MACROD2: variants seen among roughly 807,000 people sequenced by gnomAD.
MACROD2 encodes the protein mono-ADP ribosylhydrolase 2.
Under a neutral mutation model 70.4 loss-of-function variants are expected in MACROD2, and 36 were observed. The observed-to-expected ratio is 0.51, with a 90% CI of 0.39 to 0.68. The LOEUF is 0.68. Ranked by LOEUF, MACROD2 falls within the 30% of genes least tolerant of loss-of-function variation. The pLI is 0.00. For synonymous variants in MACROD2, 172 were observed against 178.8 expected (o/e 0.96, Z 0.30); for missense variants, 496 against 538.4 (o/e 0.92, Z 0.78).
At chr20:14,116,931 G>T (rs1239065576) in intron 3 of MACROD2, among the ~76,000 whole-genome samples, 1 of 151,960 alleles carries the variant, frequency 6.6e-6, no homozygotes, top group Non-Finnish European at 1.5e-5. Context: ...GCCAGTTGTG[G>T]TGGCATGCAC....
chr20:14,456,900 G>T (rs1406279396), intron 3 of MACROD2, among the ~76,000 whole-genome samples: 1 of 151,712 alleles, frequency 6.6e-6, no homozygotes, highest in Non-Finnish European at 1.5e-5. Flanking sequence ...TGTATTTTTA[G>T]TAGAGACGGG....
intron 5 of MACROD2, among the ~76,000 whole-genome samples, chr20:15,119,388 A>G (rs1224767985): frequency 6.6e-6 from 1 of 152,144 alleles, no homozygotes; most frequent in Non-Finnish European, 1.5e-5. Flanking sequence ...GAGTGTGTAC[A>G]TCTACACCTA....
At chr20:14,871,055 G>T (rs1030558163) in intron 5 of MACROD2, among the ~76,000 whole-genome samples, 1 of 152,002 alleles carries the variant, frequency 6.6e-6, no homozygotes, top group East Asian at 1.9e-4. Flanking sequence ...TGGTATACTT[G>T]AAAGAGATAG....
chr20:14,955,867 G>A (rs998568443), intron 5 of MACROD2, among the ~76,000 whole-genome samples: 4 of 152,104 alleles, frequency 2.6e-5, no homozygotes, highest in Admixed American at 2.6e-4. Flanking sequence ...GGAATGTCAG[G>A]GAAGGAGAAG....
intron 2 of MACROD2, among the ~76,000 whole-genome samples, chr20:14,074,823 A>G (rs2053896368): frequency 6.6e-6 from 1 of 152,182 alleles, no homozygotes; most frequent in African/African-American, 2.4e-5. Flanking sequence ...GTCTGAAAAT[A>G]TTAGGTAGAA....
At chr20:14,083,423 C>CAA (rs35393551) in intron 2 of MACROD2, among the ~76,000 whole-genome samples, 215 of 137,688 alleles carry the variant, frequency 1.6e-3, no homozygotes, top group South Asian at 2.4e-3. Context: ...AACTCTGTCT[C>CAA]AAAAAAAAAA....
intron 5 of MACROD2, among the ~76,000 whole-genome samples, chr20:14,694,628 A>G (rs1215677569): frequency 2.0e-5 from 3 of 152,320 alleles, no homozygotes; most frequent in African/African-American, 7.2e-5. Context: ...GATGAGTTAC[A>G]TATAAATTAA....
chr20:14,000,692 T>C (rs1223105180), intron 1 of MACROD2, among the ~76,000 whole-genome samples: 3 of 152,190 alleles, frequency 2.0e-5, no homozygotes, highest in East Asian at 1.9e-4. Flanking sequence ...TTGGTAAATA[T>C]TTCTTCCTTG....
chr20:15,327,202 A>C (rs1482315313), intron 6 of MACROD2, among the ~76,000 whole-genome samples: 2 of 152,130 alleles, frequency 1.3e-5, no homozygotes, highest in Non-Finnish European at 2.9e-5. Context: ...AACTGGGAGA[A>C]ACTTAGAAAG....
intron 5 of MACROD2, among the ~76,000 whole-genome samples, chr20:15,018,652 G>A (rs900505964): frequency 3.9e-5 from 6 of 152,262 alleles, no homozygotes; most frequent in African/African-American, 1.4e-4. Flanking sequence ...TTTAGAATGT[G>A]TATATCCTAA....
chr20:15,258,192 A>T (rs1469631546), intron 6 of MACROD2, among the ~76,000 whole-genome samples: 1 of 152,130 alleles, frequency 6.6e-6, no homozygotes, highest in Non-Finnish European at 1.5e-5. Flanking sequence ...TTATAAATTT[A>T]AAAATTTATA....
intron 8 of MACROD2, among the ~76,000 whole-genome samples, chr20:15,817,406 G>C (rs2063888440): frequency 6.6e-6 from 1 of 152,026 alleles, no homozygotes; most frequent in Non-Finnish European, 1.5e-5. Context: ...CCCTGAATGT[G>C]CCCACCAAAA....
Position 15,616,125 on chromosome 20 carries a change from CAG to C in MACROD2, c.645+116281_645+116282del, listed in dbSNP as rs779521635. On this transcript the variant is annotated intron_variant, in intron 8 of 17. Coordinates refer to ENST00000684519, the MANE Select transcript of MACROD2 (RefSeq NM_001351661.2). The stretch of plus-strand genomic sequence containing the variant: ...TTTTTTTTTTTTTTTTTTTTTGAGA[CAG>C]AGTCTCACTCTGTCACCCGGGCCTG... Among the ~76,000 whole-genome samples the C allele has an allele frequency of 7.5e-4, 87 of 115,458 alleles. 1 individual carries two copies. The South Asian group carries it at 0.022, about 30-fold the overall frequency. 75.7% of individuals were successfully genotyped at this position (115,458 alleles called of 152,430 possible).
intron 5 of MACROD2, among the ~76,000 whole-genome samples, chr20:15,207,931 G>GAATCTATA (rs2076726117): frequency 6.6e-6 from 1 of 151,996 alleles, no homozygotes; most frequent in Non-Finnish European, 1.5e-5. Flanking sequence ...TAAACTTTTT[G>GAATCTATA]AATCTATAGG....
intron 8 of MACROD2, among the ~76,000 whole-genome samples, chr20:15,654,193 G>T (rs2049691350): frequency 6.6e-6 from 1 of 152,178 alleles, no homozygotes; most frequent in Admixed American, 6.5e-5. Flanking sequence ...TTCAGAGAAA[G>T]CAACAAGGAA....
At chr20:14,918,946 C>G (rs1042875503) in intron 5 of MACROD2, among the ~76,000 whole-genome samples, 3 of 152,066 alleles carry the variant, frequency 2.0e-5, no homozygotes, top group African/African-American at 4.8e-5. Context: ...ACTCTCTCCC[C>G]CAACCCCCTG....
intron 8 of MACROD2, among the ~76,000 whole-genome samples, chr20:15,674,102 G>T (rs1017402588): frequency 4.0e-5 from 6 of 151,442 alleles, no homozygotes; most frequent in African/African-American, 1.4e-4. Flanking sequence ...TTGGGGTGGT[G>T]GTTCTGCGTT....
At chr20:15,115,010 G>A (rs576559735) in intron 5 of MACROD2, among the ~76,000 whole-genome samples, 2 of 152,246 alleles carry the variant, frequency 1.3e-5, no homozygotes, top group African/African-American at 4.8e-5. Flanking sequence ...AATTCTCCTA[G>A]AGAGTTCCTG....
At chr20:14,186,974 G>A (rs1448612406) in intron 3 of MACROD2, among the ~76,000 whole-genome samples, 2 of 152,100 alleles carry the variant, frequency 1.3e-5, no homozygotes, top group South Asian at 2.1e-4. Context: ...GGGAAGGGAG[G>A]CAAGCATTGA....
Sources: gnomAD v4.1 joint callset for allele counts (sites outside exome capture counted in the v4.1 genomes callset) on GRCh38, gnomAD v4.1.1 for gene constraint, MANE v1.5 for transcripts, NCBI Gene and HGNC (gene_info 2026-07-23, HGNC 2026-07-21) for gene names.